Variants in FRY observed in about 807,000 individuals in gnomAD.
FRY encodes the protein FRY microtubule binding protein.
A neutral mutation model predicts 348.4 loss-of-function variants in FRY; 128 were observed. That is an observed-to-expected ratio of 0.37 (90% confidence interval 0.32 to 0.43). The LOEUF is 0.43. FRY is among the 20% of genes least tolerant of loss of function. The pLI is 1.00. For synonymous variants in FRY, 1,370 were observed against 1,374.7 expected (o/e 1.00, Z 0.08); for missense variants, 2,736 against 3,695.2 (o/e 0.74, Z 6.73).
At chr13:32,074,991 G>C (rs1566057180) in intron 1 of FRY, among the ~76,000 whole-genome samples, 1 of 152,216 alleles carries the variant, frequency 6.6e-6, no homozygotes, top group Non-Finnish European at 1.5e-5. Flanking sequence ...AGCACCCCAG[G>C]TAGAGAGAAG....
chr13:32,085,809 A>T (rs759322860), intron 2 of FRY: 2 of 509,912 alleles, frequency 3.9e-6, no homozygotes, highest in Admixed American at 2.0e-5. Context: ...GTTGCCATTT[A>T]TCAATACTGT....
chr13:32,295,118 T>A lies in FRY; in HGVS notation c.8784-84T>A. 2.5e-6 allele frequency: 3 copies of A among 1,211,560 alleles called. No homozygotes were observed. The South Asian group carries it at 3.6e-5, about 15-fold the overall frequency. The allele number at this position is 1,211,560 out of a possible 1,614,324, so 75.1% of individuals were successfully genotyped here. A position where few individuals can be genotyped will look rare whatever the true frequency, so the allele number is the denominator to read the frequency against. ...TCAATAAAGCCTTTTTAAAAAGTAA[T>A]ACTCTTATATTAATGAAGACTCATA... On this transcript the variant is annotated intron_variant, in intron 60 of 60. Coordinates refer to ENST00000542859, the MANE Select transcript of FRY (RefSeq NM_023037.3).
At chr13:32,255,678 C>T (rs116964465) in intron 51 of FRY, among the ~76,000 whole-genome samples, 4,739 of 152,282 alleles carry the variant, frequency 0.031, 114 homozygotes, top group Non-Finnish European at 0.046. Context: ...AAAAGTATTG[C>T]AGGTTTCTGT....
intron 1 of FRY, among the ~76,000 whole-genome samples, chr13:32,039,493 TC>T (rs11301420): frequency 0.65 from 99,169 of 151,552 alleles, 32,676 homozygotes; most frequent in African/African-American, 0.69. Flanking sequence ...CTCTCCCACC[TC>T]CCCCCCCATA....
chr13:32,120,661 C>A (rs940243783), intron 4 of FRY, among the ~76,000 whole-genome samples: 18 of 151,998 alleles, frequency 1.2e-4, no homozygotes, highest in African/African-American at 4.1e-4. Flanking sequence ...TTGTATCATT[C>A]TTTTTTGTTT....
At chr13:32,149,932 C>G in intron 14 of FRY, 98 bp downstream of exon 14, 1 of 763,736 alleles carries the variant, frequency 1.3e-6, no homozygotes, top group Non-Finnish European at 2.3e-6. Flanking sequence ...GATGTCTTCT[C>G]ACAAAGTCTT....
chr13:32,090,972 C>CA (rs1229847912), intron 2 of FRY, among the ~76,000 whole-genome samples: 1 of 152,126 alleles, frequency 6.6e-6, no homozygotes, highest in East Asian at 1.9e-4. Flanking sequence ...CATCTGCCTT[C>CA]AGTTTTCATA....
chr13:32,242,773 G>C (rs1285721812), intron 46 of FRY, among the ~76,000 whole-genome samples: 1 of 152,120 alleles, frequency 6.6e-6, no homozygotes, highest in Non-Finnish European at 1.5e-5. Context: ...GACCTCAGGT[G>C]ATCCACCCAC....
At chr13:32,116,189 TA>T (rs144126101) in intron 3 of FRY, among the ~76,000 whole-genome samples, 11,759 of 152,190 alleles carry the variant, frequency 0.077, 497 homozygotes, top group Middle Eastern at 0.099. Flanking sequence ...GAATGATTTT[TA>T]TTAGGTTCTT....
At chr13:32,272,799 G>A (rs189707356) in intron 55 of FRY, among the ~76,000 whole-genome samples, 23 of 152,024 alleles carry the variant, frequency 1.5e-4, no homozygotes, top group African/African-American at 2.9e-4. Context: ...GCAGTAGCGC[G>A]ATCTTGGCTC....
rs1460032493 is a variant in FRY at position 32,297,459 on chromosome 13, T to A, written c.*1999T>A. The stretch of plus-strand genomic sequence containing the variant: ...AACTGAGTTTTCTACCATGGCTTCT[T>A]ACCCAGCAGAGAACCACCGTGATGG... On this transcript the variant is annotated 3_prime_UTR_variant, in exon 61 of 61. Coordinates refer to ENST00000542859, the MANE Select transcript of FRY (RefSeq NM_023037.3). The A allele has an allele frequency of 6.6e-6, 1 of 152,032 alleles. No individual in the cohort carries two copies. The highest frequency in any genetic ancestry group is 2.4e-5 in the African/African-American group (1 of 41,406). 9.4% of individuals were successfully genotyped at this position (152,032 alleles called of 1,614,324 possible). A position where few individuals can be genotyped will look rare whatever the true frequency, so the allele number is the denominator to read the frequency against.
chr13:32,047,424 T>C (rs1480929140), intron 1 of FRY, among the ~76,000 whole-genome samples: 1 of 152,212 alleles, frequency 6.6e-6, no homozygotes, highest in Non-Finnish European at 1.5e-5. Context: ...CTTCAGAAAA[T>C]TAACCATCTA....
rs142870483 is a variant in FRY at position 32,244,639 on chromosome 13, A to G, written c.6828+457A>G. Among the ~76,000 whole-genome samples, 641 of 152,384 alleles carry G rather than the reference A, an allele frequency of 4.2e-3. 5 individuals are homozygous for G. Among genetic ancestry groups the G allele is most frequent in the South Asian group, 0.03 (143 of 4,832 alleles). On this transcript the variant is annotated intron_variant, in intron 47 of 60. Transcript: ENST00000542859. ...TGAAGAGTGGTTAAGAAACTTGCAG[A>G]AATATACTTGAAAATACTGCAACAA...
rs182384645 is a variant in FRY, at chr13:32,095,943, C to G, written c.271-6020C>G. Among the ~76,000 whole-genome samples, 979 of 152,084 alleles carry G rather than the reference C, an allele frequency of 6.4e-3. 11 individuals are homozygous for G. Among genetic ancestry groups the G allele is most frequent in the African/African-American group, 0.023 (937 of 41,464 alleles). On this transcript the variant is annotated intron_variant, in intron 2 of 60. Transcript: ENST00000542859. ...CTCTCTATCCTTCCTCCCCTCTTTT[C>G]TTTCTTCCTCCATCCTTCCTTTCTT...
At chr13:32,043,239 A>G (rs983522028) in intron 1 of FRY, among the ~76,000 whole-genome samples, 1 of 152,200 alleles carries the variant, frequency 6.6e-6, no homozygotes, top group Non-Finnish European at 1.5e-5. Flanking sequence ...TGATTCACTT[A>G]TCTCCCACCA....
intron 4 of FRY, among the ~76,000 whole-genome samples, chr13:32,118,065 G>A (rs1216105581): frequency 1.3e-5 from 2 of 152,044 alleles, no homozygotes; most frequent in Non-Finnish European, 2.9e-5. Flanking sequence ...CTTCCTGTGG[G>A]TTTGAAAAAT....
chr13:32,286,408 C>T (rs1349859242), intron 58 of FRY, among the ~76,000 whole-genome samples: 1 of 152,100 alleles, frequency 6.6e-6, no homozygotes, highest in African/African-American at 2.4e-5. Context: ...TTTCTGCATA[C>T]CCAAACTTTC....
At position 32,102,002 on chromosome 13, in the gene FRY, C is replaced by T. The variant is rs1877191349; in HGVS notation, c.310C>T (p.Pro104Ser). The T allele has an allele frequency of 6.5e-7, 1 of 1,548,050 alleles. No homozygotes were observed. Among genetic ancestry groups the T allele is most frequent in the African/African-American group, 1.4e-5 (1 of 73,696 alleles). Reference sequence around the variant, plus strand: ...AAAATCTCTGCAACGTGGAGAAGACCCCCAATTTGATCAGGTATGTGATAT... The same window carrying T: ...AAAATCTCTGCAACGTGGAGAAGACTCCCAATTTGATCAGGTATGTGATAT... ...LTKSLQRGED[P>S]QFDQVISSMS... is the part of the protein sequence containing the mutation. Residue 104 changes from proline to serine, a missense_variant, in exon 3 of 61, where the codon CCC becomes TCC. By Grantham distance (74) the Pro-to-Ser change is moderately conservative. This residue lies in a region of FRY where 309 missense variants were observed against 418.1 expected (regional missense o/e 0.74). Transcript: ENST00000542859.
chr13:32,079,851 C>T (rs950212466), intron 2 of FRY, among the ~76,000 whole-genome samples: 16 of 152,122 alleles, frequency 1.1e-4, no homozygotes, highest in African/African-American at 3.1e-4. Flanking sequence ...CTGTGAAGGG[C>T]GACTTTGTAC....
Sources: allele counts gnomAD v4.1 joint callset (sites outside exome capture counted in the v4.1 genomes callset), GRCh38; gene constraint gnomAD v4.1.1; regional missense constraint gnomAD v4.1.1; transcripts MANE v1.5; gene names NCBI Gene and HGNC (gene_info 2026-07-23, HGNC 2026-07-21).